The following NELL1 variants were observed in gnomAD, a reference collection of about 807,000 sequenced individuals.
NELL1 encodes neural EGFL like 1, also known as protein kinase C-binding protein NELL1.
NELL1 carries 76 observed loss-of-function variants against 107.4 expected under a neutral mutation model. The ratio of observed to expected loss-of-function variants is 0.71; its 90% CI spans 0.59 to 0.86. The LOEUF (loss-of-function observed/expected upper bound fraction) is 0.86, where lower values mean the gene tolerates loss of function less well. Ranked by LOEUF, NELL1 falls within the 40% of genes least tolerant of loss-of-function variation. The probability of loss-of-function intolerance (pLI) is 0.00; values close to 1 mark genes in which losing one functional copy is unlikely to be tolerated. For missense variants in NELL1, 1,024 were observed against 1,005.5 expected (o/e 1.02, Z -0.25); for synonymous variants, 353 against 341.2 (o/e 1.03, Z -0.38).
intron 2 of NELL1, among the ~76,000 whole-genome samples, chr11:20,704,912 A>G (rs1475607756): frequency 1.3e-5 from 2 of 152,212 alleles, no homozygotes; most frequent in Non-Finnish European, 1.5e-5. Flanking sequence ...CCCATTCACA[A>G]TTGCTTCAAA....
intron 14 of NELL1, among the ~76,000 whole-genome samples, chr11:21,343,099 T>A (rs1248382068): frequency 6.6e-6 from 1 of 152,126 alleles, no homozygotes; most frequent in Non-Finnish European, 1.5e-5. Context: ...TAGATACTGC[T>A]CTTTGCACCA....
At chr11:20,926,194 C>A (rs1481157085) in intron 7 of NELL1, among the ~76,000 whole-genome samples, 2 of 152,110 alleles carry the variant, frequency 1.3e-5, no homozygotes, top group Non-Finnish European at 2.9e-5. Context: ...TTGAGTTACT[C>A]TTTCGTGTGG....
intron 14 of NELL1, among the ~76,000 whole-genome samples, chr11:21,316,935 A>G (rs776330651): frequency 3.3e-5 from 5 of 152,160 alleles, no homozygotes; most frequent in African/African-American, 4.8e-5. Flanking sequence ...ATACATTATT[A>G]TCCTGATATG....
intron 2 of NELL1, among the ~76,000 whole-genome samples, chr11:20,756,854 C>T (rs764790708): frequency 3.3e-5 from 5 of 152,016 alleles, no homozygotes; most frequent in Admixed American, 6.6e-5. Context: ...TAGTGGAGCT[C>T]GTATTCAGTT....
chr11:20,721,249 T>TA (rs71063660), intron 2 of NELL1, among the ~76,000 whole-genome samples: 26 of 146,366 alleles, frequency 1.8e-4, no homozygotes, highest in Non-Finnish European at 2.7e-4. Flanking sequence ...TATATATATA[T>TA]TTATTTGTTT....
intron 12 of NELL1, among the ~76,000 whole-genome samples, chr11:21,015,409 C>CAT (rs1161547977): frequency 2.6e-5 from 4 of 152,096 alleles, no homozygotes; most frequent in Non-Finnish European, 5.9e-5. Flanking sequence ...TCCCTGTGCT[C>CAT]ATAGTGGTTC....
At chr11:20,987,326 A>G (rs912911422) in intron 12 of NELL1, among the ~76,000 whole-genome samples, 2 of 152,206 alleles carry the variant, frequency 1.3e-5, no homozygotes, top group Non-Finnish European at 2.9e-5. Context: ...TCCCTTCTCT[A>G]CAAGTTACTA....
chr11:21,321,329 T>G (rs1461346088), intron 14 of NELL1, among the ~76,000 whole-genome samples: 3 of 151,098 alleles, frequency 2.0e-5, no homozygotes, highest in African/African-American at 7.3e-5. Context: ...CCCAGGGGAG[T>G]GATTTTCATG....
At chr11:20,973,790 A>G (rs1851549875) in intron 12 of NELL1, among the ~76,000 whole-genome samples, 1 of 152,230 alleles carries the variant, frequency 6.6e-6, no homozygotes, top group South Asian at 2.1e-4. Context: ...GAGCTGCTAT[A>G]GAGATTCAGG....
At chr11:21,096,901 A>G (rs1299235460) in intron 12 of NELL1, among the ~76,000 whole-genome samples, 1 of 151,772 alleles carries the variant, frequency 6.6e-6, no homozygotes, top group African/African-American at 2.4e-5. Context: ...TATTATTTGT[A>G]GAGACGGGTT....
chr11:20,960,125 A>T (rs1851260279), intron 11 of NELL1, among the ~76,000 whole-genome samples: 1 of 152,050 alleles, frequency 6.6e-6, no homozygotes. Context: ...AAGAAAACAA[A>T]ATTATAAAAA....
At chr11:20,993,006 A>G (rs920702259) in intron 12 of NELL1, among the ~76,000 whole-genome samples, 2 of 152,114 alleles carry the variant, frequency 1.3e-5, no homozygotes, top group African/African-American at 2.4e-5. Flanking sequence ...ACCACCTTCT[A>G]GAAGCTTTGT....
rs372559991 is a variant in NELL1 at position 21,163,218 on chromosome 11, G to C, written c.1426+49504G>C. On this transcript the variant is annotated intron_variant, in intron 13 of 19. Coordinates refer to ENST00000357134, the MANE Select transcript of NELL1 (RefSeq NM_006157.5). ...TCAAAAGGGAGTGGCAGGAAATGAAGATGGGAAGACAGGCAGACTCAGGTC... is the reference window on the plus strand; with the variant it reads ...TCAAAAGGGAGTGGCAGGAAATGAACATGGGAAGACAGGCAGACTCAGGTC... Among the ~76,000 whole-genome samples, 6 of 152,322 alleles carry C rather than the reference G, an allele frequency of 3.9e-5. No individual in the cohort carries two copies. The East Asian group carries it at 1.2e-3, about 29-fold the overall frequency.
At chr11:21,105,811 C>T (rs1854943789) in intron 12 of NELL1, among the ~76,000 whole-genome samples, 2 of 52,894 alleles carry the variant, frequency 3.8e-5, no homozygotes, top group Non-Finnish European at 7.0e-5. Context: ...CCCTTCCCTC[C>T]TCTCCCCTTC....
intron 9 of NELL1, among the ~76,000 whole-genome samples, chr11:20,936,148 C>A (rs755061544): frequency 6.6e-6 from 1 of 152,084 alleles, no homozygotes; most frequent in Non-Finnish European, 1.5e-5. Flanking sequence ...CAGCAAATGC[C>A]GAACTCATTC....
chr11:21,386,909 T>C (rs1316806062), intron 15 of NELL1, among the ~76,000 whole-genome samples: 1 of 151,898 alleles, frequency 6.6e-6, no homozygotes, highest in Non-Finnish European at 1.5e-5. Flanking sequence ...TCTTATTTAA[T>C]GTTTAGGCTA....
At chr11:20,776,231 A>C (rs188467772) in intron 2 of NELL1, among the ~76,000 whole-genome samples, 1 of 152,290 alleles carries the variant, frequency 6.6e-6, no homozygotes, top group East Asian at 1.9e-4. Context: ...TGAGCCCAGG[A>C]GTTCAAGACC....
chr11:21,532,620 C>T (rs1856018777), intron 15 of NELL1, among the ~76,000 whole-genome samples: 1 of 152,162 alleles, frequency 6.6e-6, no homozygotes. Flanking sequence ...TTGTCCACAG[C>T]CTGTAGGCAA....
intron 14 of NELL1, among the ~76,000 whole-genome samples, chr11:21,309,300 G>GTATATATATA (rs1409905383): frequency 1.4e-3 from 84 of 58,136 alleles, no homozygotes; most frequent in Middle Eastern, 0.014. Context: ...ATATATATAT[G>GTATATATATA]TATATATATA....
Sources: gnomAD v4.1 joint callset for allele counts (sites outside exome capture counted in the v4.1 genomes callset) on GRCh38, gnomAD v4.1.1 for gene constraint, MANE v1.5 for transcripts, NCBI Gene and HGNC (gene_info 2026-07-23, HGNC 2026-07-21) for gene names.